Variants in VIPR2 observed in about 807,000 individuals in gnomAD.
VIPR2 encodes the protein vasoactive intestinal peptide receptor 2.
A neutral mutation model predicts 58.0 loss-of-function variants in VIPR2; 48 were observed. The observed-to-expected ratio is 0.83, with a 90% CI of 0.66 to 1.05. The LOEUF is 1.05. Ranked by LOEUF, VIPR2 falls within the 50% of genes least tolerant of loss-of-function variation. The pLI is 0.00. For missense variants in VIPR2, 534 were observed against 558.0 expected, an observed-to-expected ratio of 0.96 and a Z score of 0.43; for synonymous variants, 243 against 235.2, an observed-to-expected ratio of 1.03 and a Z score of -0.30.
At chr7:159,092,650 C>CTTTTTTTTTT (rs60400731) in intron 4 of VIPR2, among the ~76,000 whole-genome samples, 9 of 133,706 alleles carry the variant, frequency 6.7e-5, no homozygotes, top group East Asian at 2.1e-4. Context: ...CTTTTCTTTT[C>CTTTTTTTTTT]TTTTTTTTTT....
intron 2 of VIPR2, among the ~76,000 whole-genome samples, chr7:159,112,286 C>T (rs956049791): frequency 6.6e-6 from 1 of 152,196 alleles, no homozygotes; most frequent in Non-Finnish European, 1.5e-5. Context: ...TAGACGCTGT[C>T]AGGATGTGAG....
chr7:159,034,039 G>A (rs1853752457), intron 10 of VIPR2, among the ~76,000 whole-genome samples, 174 bp downstream of exon 10: 1 of 152,182 alleles, frequency 6.6e-6, no homozygotes, highest in Non-Finnish European at 1.5e-5. Flanking sequence ...GGGAAATGCT[G>A]TCCAGGGCCT....
At chr7:159,058,616 AC>A in intron 4 of VIPR2, 38 bp from the exon 5 acceptor site, 1 of 1,391,778 alleles carries the variant, frequency 7.2e-7, no homozygotes, top group Non-Finnish European at 1.0e-6. Flanking sequence ...GCTGAGGGTG[AC>A]CAGCAACACC....
chr7:159,093,000 G>A (rs7779143), intron 4 of VIPR2, among the ~76,000 whole-genome samples: 6,449 of 152,176 alleles, frequency 0.042, 410 homozygotes, highest in African/African-American at 0.14. Context: ...CAGCCTCTCC[G>A]GGGAGAGTGG....
At chr7:159,084,638 G>A (rs970131839) in intron 4 of VIPR2, among the ~76,000 whole-genome samples, 6 of 152,244 alleles carry the variant, frequency 3.9e-5, no homozygotes, top group Non-Finnish European at 7.3e-5. Flanking sequence ...GTGGCCTCAC[G>A]CTGCAGAAAG....
intron 8 of VIPR2, 171 bp downstream of exon 8, chr7:159,035,781 C>T (rs1853904744): frequency 1.0e-6 from 1 of 985,356 alleles, no homozygotes; most frequent in African/African-American, 1.7e-5. Context: ...AACACTCCAA[C>T]CTCACAGGAT....
At chr7:159,063,851 C>T (rs1855897633) in intron 4 of VIPR2, among the ~76,000 whole-genome samples, 1 of 78,920 alleles carries the variant, frequency 1.3e-5, no homozygotes, top group Admixed American at 1.6e-4. Context: ...GTCTGGGGGG[C>T]CTGGTGGGTT....
At chr7:159,118,985 A>G (rs1448188739) in intron 2 of VIPR2, among the ~76,000 whole-genome samples, 2 of 152,360 alleles carry the variant, frequency 1.3e-5, no homozygotes, top group East Asian at 1.9e-4. Flanking sequence ...AAACTGCTAT[A>G]AACACCCACA....
At chr7:159,082,657 A>C (rs1192520897) in intron 4 of VIPR2, among the ~76,000 whole-genome samples, 1 of 152,256 alleles carries the variant, frequency 6.6e-6, no homozygotes, top group Non-Finnish European at 1.5e-5. Flanking sequence ...AGCATTCTGA[A>C]TTCATCCTAA....
chr7:159,137,285 T>A (rs547673365), intron 2 of VIPR2, among the ~76,000 whole-genome samples: 19,044 of 152,198 alleles, frequency 0.13, 1,258 homozygotes, highest in East Asian at 0.16. Context: ...TCAACCATAA[T>A]TCCCTTTATG....
At chr7:159,129,048 G>A (rs1489574514) in intron 2 of VIPR2, among the ~76,000 whole-genome samples, 8 of 152,254 alleles carry the variant, frequency 5.3e-5, no homozygotes, top group African/African-American at 7.2e-5. Context: ...TGGCACGCAC[G>A]TCTGCAGCTG....
chr7:159,117,609 G>T (rs1209708720), intron 2 of VIPR2, among the ~76,000 whole-genome samples: 1 of 152,198 alleles, frequency 6.6e-6, no homozygotes, highest in Non-Finnish European at 1.5e-5. Context: ...CTGGGAGGTG[G>T]TGCCCTAGAT....
intron 2 of VIPR2, chr7:159,117,218 T>G (rs930894133): frequency 1.2e-5 from 8 of 672,766 alleles, no homozygotes; most frequent in Admixed American, 2.2e-5. Context: ...AGAAGGTCCC[T>G]TGCCATCTCA....
intron 1 of VIPR2, among the ~76,000 whole-genome samples, chr7:159,142,919 G>T (rs1002511116): frequency 6.6e-6 from 1 of 152,210 alleles, no homozygotes; most frequent in African/African-American, 2.4e-5. Flanking sequence ...GGACTGTGCC[G>T]CTTCCTCCGA....
At chr7:159,032,883 G>A (rs992751340) in intron 10 of VIPR2, among the ~76,000 whole-genome samples, 3 of 152,026 alleles carry the variant, frequency 2.0e-5, no homozygotes, top group African/African-American at 7.2e-5. Context: ...AACCAAGAAC[G>A]ATCTTATTCG....
rs775675627 is a variant in VIPR2 at position 159,034,584 on chromosome 7, G to T, written c.876C>A (p.Ile292=). Residue 292 remains isoleucine (I), a synonymous_variant, in exon 9 of 13, where the codon ATC becomes ATA. Transcript: ENST00000262178. ...CATGTCAACAGGGACTACTTACGATGATGGAAATTAAAATCGGTATTCGTA... is the reference window on the plus strand; with the variant it reads ...CATGTCAACAGGGACTACTTACGATTATGGAAATTAAAATCGGTATTCGTA... The part of the protein sequence containing the change: ...WVIRIPILIS[I]IVNFVLFISI... The T allele has an allele frequency of 6.2e-7, 1 of 1,613,410 alleles. No individual in the cohort carries two copies. Among genetic ancestry groups the T allele is most frequent in the Middle Eastern group, 1.6e-4 (1 of 6,062 alleles).
chr7:159,097,339 T>C lies in VIPR2; in HGVS notation c.357+6418A>G. ...GGGAGGCCGAAATGCCAAACAGTTC[T>C]CTTGGCTAAATTTAGCAGACGTGCT... On this transcript the variant is annotated intron_variant, in intron 4 of 12. Coordinates refer to ENST00000262178, the MANE Select transcript of VIPR2 (RefSeq NM_003382.5). The surrounding 1 kb of genome is among the most constrained non-coding windows in gnomAD (Gnocchi z 5.3). 2 of 1,153,532 alleles carry C rather than the reference T, an allele frequency of 1.7e-6. 1 individual carries two copies. Among genetic ancestry groups the C allele is most frequent in the South Asian group, 6.1e-5 (2 of 32,966 alleles). The allele number at this position is 1,153,532 out of a possible 1,614,324, so 71.5% of individuals were successfully genotyped here.
intron 4 of VIPR2, among the ~76,000 whole-genome samples, chr7:159,074,929 C>T (rs1856565170): frequency 6.6e-6 from 1 of 152,214 alleles, no homozygotes; most frequent in Non-Finnish European, 1.5e-5. Context: ...ACCCATTATG[C>T]TCGAGGTGCC....
Position 159,096,759 on chromosome 7 carries a change from C to G in VIPR2, c.357+6998G>C. ...CAGCTGAATGATTTCTGCCTGTGGC[C>G]AGATTTCTGCCCCTGCCTGAGGTCA... On this transcript the variant is annotated intron_variant, in intron 4 of 12. Transcript: ENST00000262178. This position sits in a 1 kb window ranked among gnomAD's most constrained non-coding sequence, Gnocchi z 5.5. 3 of 1,402,070 alleles carry G rather than the reference C, an allele frequency of 2.1e-6. No individual in the cohort carries two copies. Among genetic ancestry groups the G allele is most frequent in the Non-Finnish European group, 2.8e-6 (3 of 1,074,294 alleles). 86.9% of individuals were successfully genotyped at this position (1,402,070 alleles called of 1,614,324 possible). A position where few individuals can be genotyped will look rare whatever the true frequency, so the allele number is the denominator to read the frequency against.
Sources: allele counts gnomAD v4.1 joint callset (sites outside exome capture counted in the v4.1 genomes callset), GRCh38; gene constraint gnomAD v4.1.1; non-coding constraint Gnocchi (gnomAD v3.1); transcripts MANE v1.5; gene names NCBI Gene and HGNC (gene_info 2026-07-23, HGNC 2026-07-21).